The following PPARGC1B variants were observed in gnomAD, a reference collection of about 807,000 sequenced individuals.
The protein encoded by PPARGC1B is PPARG coactivator 1 beta.
Under a neutral mutation model 101.6 loss-of-function variants are expected in PPARGC1B, and 34 were observed. That is an observed-to-expected ratio of 0.33 (90% CI 0.25 to 0.45). PPARGC1B has a LOEUF of 0.45. Ranked by LOEUF, PPARGC1B falls within the 20% of genes least tolerant of loss-of-function variation. The pLI, the probability that PPARGC1B is intolerant of heterozygous loss-of-function variation, is 1.00. For synonymous variants in PPARGC1B, 548 were observed against 539.3 expected, an observed-to-expected ratio of 1.02 and a Z score of -0.22; for missense variants, 1,234 against 1,317.6, an observed-to-expected ratio of 0.94 and a Z score of 0.98.
At chr5:149,798,457 C>T (rs1472136258) in intron 1 of PPARGC1B, among the ~76,000 whole-genome samples, 2 of 152,180 alleles carry the variant, frequency 1.3e-5, no homozygotes, top group East Asian at 3.8e-4. Flanking sequence ...AGGCACCATG[C>T]CTCCTGTGTA....
At chr5:149,817,640 G>A in intron 1 of PPARGC1B, 1 of 443,852 alleles carries the variant, frequency 2.3e-6, no homozygotes, top group Non-Finnish European at 4.6e-6. Context: ...AAGGAGCTGA[G>A]TCTTATATAA....
chr5:149,775,693 G>A (rs1294492161), intron 1 of PPARGC1B, among the ~76,000 whole-genome samples: 1 of 134,872 alleles, frequency 7.4e-6, no homozygotes, highest in Non-Finnish European at 1.6e-5. Context: ...CCTTGTGGTA[G>A]GGGCTTTGGC....
Position 149,847,771 on chromosome 5 carries a change from G to A in PPARGC1B, c.*213G>A. 2 of 556,480 alleles carry A rather than the reference G, an allele frequency of 3.6e-6. No homozygotes were observed. The highest frequency in any genetic ancestry group is 6.4e-6 in the Non-Finnish European group (2 of 312,836). The allele number at this position is 556,480 out of a possible 1,614,324, so 34.5% of individuals were successfully genotyped here. A position where few individuals can be genotyped will look rare whatever the true frequency, so the allele number is the denominator to read the frequency against. On this transcript the variant is annotated 3_prime_UTR_variant, in exon 12 of 12. Coordinates refer to ENST00000309241, the MANE Select transcript of PPARGC1B (RefSeq NM_133263.4). ...TCTGTCTGTGAGTTTCCATGGTGTT[G>A]ACGTTCCACTGCCACATTAGTGTCC...
chr5:149,805,055 C>T (rs918365411), intron 1 of PPARGC1B, among the ~76,000 whole-genome samples: 6 of 152,198 alleles, frequency 3.9e-5, no homozygotes, highest in African/African-American at 1.2e-4. Context: ...CAAGCCCTGC[C>T]CCTCTTGATG....
At chr5:149,748,601 A>G (rs1278733283) in intron 1 of PPARGC1B, among the ~76,000 whole-genome samples, 1 of 152,168 alleles carries the variant, frequency 6.6e-6, no homozygotes, top group Admixed American at 6.5e-5. Context: ...TGTCAAGACA[A>G]CTTTTGCAGC....
chr5:149,741,626 CT>C (rs11332172), intron 1 of PPARGC1B, among the ~76,000 whole-genome samples: 34,825 of 139,346 alleles, frequency 0.25, 5,182 homozygotes, highest in African/African-American at 0.45. Context: ...CCAAAATATT[CT>C]TTTTTTTTTT....
At chr5:149,801,590 A>G (rs1401874322) in intron 1 of PPARGC1B, among the ~76,000 whole-genome samples, 2 of 152,190 alleles carry the variant, frequency 1.3e-5, no homozygotes, top group African/African-American at 4.8e-5. Flanking sequence ...GCAGGACCTT[A>G]CAGGCCACAG....
Position 149,733,561 on chromosome 5 carries a change from G to A in PPARGC1B, c.78+3141G>A, listed in dbSNP as rs142515071. ...GTACCTTTTATCATTGTGCCTGCAA[G>A]GCACCTGTCAGTATGCTGAGCTGTG... On this transcript the variant is annotated intron_variant, in intron 1 of 11. Coordinates refer to ENST00000309241, the MANE Select transcript of PPARGC1B (RefSeq NM_133263.4). 5.8e-3 allele frequency among the ~76,000 whole-genome samples: 890 copies of A among 152,298 alleles called. 2 individuals carry two copies. The highest frequency in any genetic ancestry group is 8.0e-3 in the Non-Finnish European group (542 of 68,028).
At chr5:149,824,024 T>C (rs1758407579) in intron 2 of PPARGC1B, among the ~76,000 whole-genome samples, 1 of 152,134 alleles carries the variant, frequency 6.6e-6, no homozygotes, top group Admixed American at 6.5e-5. Flanking sequence ...GGCAGATAGA[T>C]TTCCTTGTGA....
chr5:149,836,170 T>G (rs1759064026), intron 7 of PPARGC1B, 93 bp from the exon 8 acceptor site: 69 of 1,090,226 alleles, frequency 6.3e-5, no homozygotes, highest in Non-Finnish European at 7.9e-5. Context: ...ATTATAGGTG[T>G]GAGCTACCAG....
chr5:149,809,232 CATAGATAGATAGATAG>C (rs780945170), intron 1 of PPARGC1B, among the ~76,000 whole-genome samples: 2 of 8,160 alleles, frequency 2.5e-4, no homozygotes, highest in African/African-American at 9.0e-4. Context: ...CCATCTCTAC[CATAGATAGATAGATAG>C]ATAGATAGAT....
chr5:149,762,957 T>A (rs1177255110), intron 1 of PPARGC1B, among the ~76,000 whole-genome samples: 1 of 152,140 alleles, frequency 6.6e-6, no homozygotes, highest in Admixed American at 6.5e-5. Flanking sequence ...CAGCACATTT[T>A]TAATTTTTTT....
At chr5:149,809,687 T>TAAA (rs35168335) in intron 1 of PPARGC1B, among the ~76,000 whole-genome samples, 7 of 109,228 alleles carry the variant, frequency 6.4e-5, no homozygotes, top group African/African-American at 1.0e-4. Context: ...GATCCTTTCT[T>TAAA]AAAAAAAAAA....
chr5:149,809,650 T>G (rs1757768211), intron 1 of PPARGC1B, among the ~76,000 whole-genome samples: 1 of 141,362 alleles, frequency 7.1e-6, no homozygotes, highest in South Asian at 2.2e-4. Flanking sequence ...ATCATGTTAC[T>G]GCACTCCAGC....
chr5:149,794,721 T>C (rs1238437576), intron 1 of PPARGC1B, among the ~76,000 whole-genome samples: 1 of 152,212 alleles, frequency 6.6e-6, no homozygotes, highest in Non-Finnish European at 1.5e-5. Context: ...GCCAGGCCCA[T>C]CCCCTGGCAA....
chr5:149,830,124 A>T (rs1758717761), intron 3 of PPARGC1B, among the ~76,000 whole-genome samples: 1 of 147,932 alleles, frequency 6.8e-6, no homozygotes, highest in African/African-American at 2.5e-5. Context: ...ATGAAAGCCC[A>T]CCTCATGATA....
intron 1 of PPARGC1B, among the ~76,000 whole-genome samples, chr5:149,742,785 G>T (rs1046965893): frequency 5.9e-5 from 9 of 152,292 alleles, no homozygotes; most frequent in South Asian, 2.1e-4. Context: ...TTGAACCTAG[G>T]TTTGTCTGAC....
rs191063490 is a variant in PPARGC1B, at chr5:149,815,544, T to C, written c.79-4889T>C. ...ATGGAAGCCCTAGCAACCTAATTTA[T>C]TTATTTATTTACTTACTTACAATTT... On this transcript the variant is annotated intron_variant, in intron 1 of 11. Coordinates refer to ENST00000309241, the MANE Select transcript of PPARGC1B (RefSeq NM_133263.4). Among the ~76,000 whole-genome samples the C allele has an allele frequency of 5.3e-5, 8 of 152,246 alleles. No individual in the cohort carries two copies. In the East Asian group the frequency reaches 1.5e-3, roughly 29 times the overall value.
chr5:149,806,335 T>C (rs908545289), intron 1 of PPARGC1B, among the ~76,000 whole-genome samples: 1 of 152,210 alleles, frequency 6.6e-6, no homozygotes, highest in African/African-American at 2.4e-5. Flanking sequence ...TGCTGCCCTG[T>C]TGAGCATGAC....
Sources: allele counts gnomAD v4.1 joint callset (sites outside exome capture counted in the v4.1 genomes callset), GRCh38; gene constraint gnomAD v4.1.1; transcripts MANE v1.5; gene names NCBI Gene and HGNC (gene_info 2026-07-23, HGNC 2026-07-21).